Variants in TNKS2 observed in about 807,000 individuals in gnomAD.
The protein encoded by TNKS2 is tankyrase 2, also known as poly [ADP-ribose] polymerase tankyrase-2.
In TNKS2, 72 loss-of-function variants were observed where a neutral mutation model predicts 137.6. That is an observed-to-expected ratio of 0.52 (90% CI 0.43 to 0.64). The LOEUF (loss-of-function observed/expected upper bound fraction) is 0.64. Ranked by LOEUF, TNKS2 falls within the 30% of genes least tolerant of loss-of-function variation. The pLI is 0.00. For missense variants in TNKS2, 1,049 were observed against 1,410.2 expected (o/e 0.74, Z 4.10); for synonymous variants, 516 against 512.1 (o/e 1.01, Z -0.10).
chr10:91,817,219 A>G lies in TNKS2; in HGVS notation c.510A>G (p.Ala170=), dbSNP rs1278470585. Residue 170 remains alanine (A), a synonymous_variant, in exon 3 of 27, where the codon GCA becomes GCG. Coordinates refer to ENST00000371627, the MANE Select transcript of TNKS2 (RefSeq NM_025235.4). ...ALDLADPSAK[A]VLTGEYKKDE... ...ATTTAGCAGATCCATCTGCCAAAGC[A>G]GTGCTTACTGGTAAGTCTGTATACT... is the stretch of plus-strand genomic sequence containing the variant. 6.2e-7 allele frequency: 1 copy of G among 1,612,662 alleles called. No homozygotes were observed. Among genetic ancestry groups the G allele is most frequent in the South Asian group, 1.1e-5 (1 of 90,700 alleles).
intron 1 of TNKS2, among the ~76,000 whole-genome samples, chr10:91,807,593 T>A (rs1236946832): frequency 6.6e-6 from 1 of 152,214 alleles, no homozygotes; most frequent in African/African-American, 2.4e-5. Context: ...CTGTGATACC[T>A]TAATTCAGCA....
intron 1 of TNKS2, among the ~76,000 whole-genome samples, chr10:91,809,114 A>T (rs960934305): frequency 6.6e-6 from 1 of 152,206 alleles, no homozygotes; most frequent in South Asian, 2.1e-4. Flanking sequence ...GATTTCTGGG[A>T]TATTATTAAT....
At position 91,810,920 on chromosome 10, in the gene TNKS2, C is replaced by CTTTTTTTTTTTTTTTTTTTTTTTTTTTT. The variant is rs35240102; in HGVS notation, c.200-2040_200-2039insTTTTTTTTTTTTTTTTTTTTTTTTTTTT. On this transcript the variant is annotated intron_variant, in intron 1 of 26. Coordinates refer to ENST00000371627, the MANE Select transcript of TNKS2 (RefSeq NM_025235.4). Reference sequence around the variant, plus strand: ...TTCTTTTCTTTCTCTCTTTTCTTTTCTTTTTTTTTTTTTTTTTTTTTTTGA... The same window carrying CTTTTTTTTTTTTTTTTTTTTTTTTTTTT: ...TTCTTTTCTTTCTCTCTTTTCTTTTCTTTTTTTTTTTTTTTTTTTTTTTTTTTTTTTTTTTTTTTTTTTTTTTTTTTGA... 1.6e-4 allele frequency among the ~76,000 whole-genome samples: 8 copies of CTTTTTTTTTTTTTTTTTTTTTTTTTTTT among 50,126 alleles called. 1 individual carries two copies. The highest frequency in any genetic ancestry group is 0.021 in the Middle Eastern group (1 of 48). The allele number at this position is 50,126 out of a possible 152,430, so 32.9% of individuals were successfully genotyped here.
chr10:91,836,027 G>A lies in TNKS2; in HGVS notation c.1448-892G>A, dbSNP rs61607963. 3.7e-5 allele frequency among the ~76,000 whole-genome samples: 4 copies of A among 108,278 alleles called. 1 individual carries two copies. The East Asian group carries it at 8.8e-4, about 24-fold the overall frequency. The allele number at this position is 108,278 out of a possible 152,430, so 71.0% of individuals were successfully genotyped here. A position where few individuals can be genotyped will look rare whatever the true frequency, so the allele number is the denominator to read the frequency against. Reference sequence around the variant, plus strand: ...TGTGTGTGTGTGTGTGTGTGTGTGTGTGTGTAATTTTTTTTTTTTTTTTTT... The same window carrying A: ...TGTGTGTGTGTGTGTGTGTGTGTGTATGTGTAATTTTTTTTTTTTTTTTTT... On this transcript the variant is annotated intron_variant, in intron 12 of 26. Transcript: ENST00000371627.
intron 1 of TNKS2, among the ~76,000 whole-genome samples, chr10:91,809,361 C>G (rs896162835): frequency 1.3e-5 from 2 of 152,202 alleles, no homozygotes; most frequent in Non-Finnish European, 2.9e-5. Context: ...CCAAATCAGT[C>G]TTAATCTTAG....
chr10:91,857,202 A>G (rs1215106651), intron 23 of TNKS2, among the ~76,000 whole-genome samples: 2 of 152,132 alleles, frequency 1.3e-5, no homozygotes, highest in Non-Finnish European at 2.9e-5. Flanking sequence ...ACCTTCACAT[A>G]TGGCCTTTTT....
intron 11 of TNKS2, 80 bp downstream of exon 11, chr10:91,831,261 C>A: frequency 8.1e-7 from 1 of 1,239,144 alleles, no homozygotes; most frequent in Non-Finnish European, 1.2e-6. Context: ...ACTTCCTAAA[C>A]TATTTACTTT....
rs193025940 is a variant in TNKS2, at chr10:91,828,301, C to T, written c.999C>T (p.His333=). 1.9e-6 allele frequency: 3 copies of T among 1,587,008 alleles called. No homozygotes were observed. The African/African-American group carries it at 4.1e-5, about 22-fold the overall frequency. Reference sequence around the variant, plus strand: ...TTCATCTAGATGAATTTAAAGGCCACTCGTTGCTGCAAGCTGCACGAGAAG... The same window carrying T: ...TTCATCTAGATGAATTTAAAGGCCATTCGTTGCTGCAAGCTGCACGAGAAG... ...KERLAYEFKG[H]SLLQAAREAD... The change falls in exon 9 of 27, where the codon CAC becomes CAT. Residue 333 remains histidine (H), a synonymous_variant. Coordinates refer to ENST00000371627, the MANE Select transcript of TNKS2 (RefSeq NM_025235.4).
At chr10:91,847,270 T>C (rs920527220) in intron 18 of TNKS2, among the ~76,000 whole-genome samples, 10 of 152,190 alleles carry the variant, frequency 6.6e-5, no homozygotes, top group Non-Finnish European at 1.3e-4. Context: ...AGTTGAACGT[T>C]GTGAAAGAAG....
chr10:91,819,402 T>C, intron 4 of TNKS2, 80 bp from the exon 5 acceptor site: 6 of 1,431,470 alleles, frequency 4.2e-6, no homozygotes, highest in Non-Finnish European at 3.7e-6. Context: ...AAAAAGAATT[T>C]TTTTTTAATG....
chr10:91,851,430 T>G, intron 21 of TNKS2, 94 bp downstream of exon 21: 94 of 875,826 alleles, frequency 1.1e-4, no homozygotes, highest in Non-Finnish European at 1.4e-4. Context: ...TATGAGAGAA[T>G]CTGTTTAATA....
rs989147073 is a variant in TNKS2, at chr10:91,861,941, T to C, written c.3282-58T>C. 4 of 1,479,370 alleles carry C rather than the reference T, an allele frequency of 2.7e-6. No homozygotes were observed. In the African/African-American group the frequency reaches 5.7e-5, roughly 21 times the overall value. The allele number at this position is 1,479,370 out of a possible 1,614,324, so 91.6% of individuals were successfully genotyped here. A position where few individuals can be genotyped will look rare whatever the true frequency, so the allele number is the denominator to read the frequency against. On this transcript the variant is annotated intron_variant, in intron 25 of 26. Transcript: ENST00000371627. ...TAAAACTTATGCCGTGTCCACACAT[T>C]GTCATATTTATGTATCAAATTTGAC...
chr10:91,851,293 C>T lies in TNKS2; in HGVS notation c.2772C>T (p.His924=), dbSNP rs2133672150. 2 of 1,609,498 alleles carry T rather than the reference C, an allele frequency of 1.2e-6. No individual in the cohort carries two copies. Among genetic ancestry groups the T allele is most frequent in the South Asian group, 1.1e-5 (1 of 89,632 alleles). The change falls in exon 21 of 27, where the codon CAC becomes CAT. Residue 924 remains histidine, a synonymous_variant. Transcript: ENST00000371627. ...GAATCAATGCTTATGGACATAGGCA[C>T]AAACTAATTAAAGGAGTCGAGAGAC... ...EIGINAYGHR[H]KLIKGVERLI... is the part of the protein sequence containing the mutation.
chr10:91,804,667 C>T (rs1589640157), intron 1 of TNKS2, among the ~76,000 whole-genome samples: 3 of 152,288 alleles, frequency 2.0e-5, no homozygotes, highest in African/African-American at 7.2e-5. Flanking sequence ...GAAATTGGTG[C>T]TTAACAGAAG....
intron 1 of TNKS2, among the ~76,000 whole-genome samples, chr10:91,812,009 G>A (rs533489013): frequency 1.8e-3 from 279 of 150,878 alleles, no homozygotes; most frequent in African/African-American, 6.2e-3. Flanking sequence ...GCAGTGAGCC[G>A]AGATCGTGCC....
chr10:91,846,927 A>G (rs917145718), intron 18 of TNKS2, among the ~76,000 whole-genome samples: 4 of 152,250 alleles, frequency 2.6e-5, no homozygotes, highest in African/African-American at 9.6e-5. Flanking sequence ...TTAGAGTCAG[A>G]CAGACTGGGC....
chr10:91,812,258 A>G (rs1844534356), intron 1 of TNKS2, among the ~76,000 whole-genome samples: 1 of 152,194 alleles, frequency 6.6e-6, no homozygotes. Flanking sequence ...TTGGTGCTAG[A>G]TCTGTAAACC....
rs1390110689 is a variant in TNKS2 at position 91,813,098 on chromosome 10, A to C, written c.315A>C (p.Glu105Asp). Residue 105 changes from glutamate to aspartate, a missense_variant, in exon 2 of 27, where the codon GAA becomes GAC. This residue lies in a region of TNKS2 where 374 missense variants were observed against 460.8 expected (regional missense o/e 0.81). Transcript: ENST00000371627. ...LHNACSFGHA[E>D]VVNLLLRHGA... is the part of the protein sequence containing the mutation. ...ATGCATGCTCTTTTGGTCATGCTGA[A>C]GTAGTCAATCTCCTTTTGCGACATG... The C allele has an allele frequency of 6.2e-7, 1 of 1,614,148 alleles. No individual in the cohort carries two copies. The highest frequency in any genetic ancestry group is 2.2e-5 in the East Asian group (1 of 44,878).
intron 1 of TNKS2, among the ~76,000 whole-genome samples, chr10:91,803,825 T>C (rs1327394980): frequency 6.6e-6 from 1 of 152,192 alleles, no homozygotes; most frequent in Non-Finnish European, 1.5e-5. Flanking sequence ...AAACCCTGTG[T>C]GATAGCCTAC....
Sources: allele counts gnomAD v4.1 joint callset (sites outside exome capture counted in the v4.1 genomes callset), GRCh38; gene constraint gnomAD v4.1.1; regional missense constraint gnomAD v4.1.1; transcripts MANE v1.5; gene names NCBI Gene and HGNC (gene_info 2026-07-23, HGNC 2026-07-21).